Variants in OXR1 observed in about 807,000 individuals in gnomAD.
The protein encoded by OXR1 is oxidation resistance protein 1.
A neutral mutation model predicts 104.6 loss-of-function variants in OXR1; 41 were observed. That is an observed-to-expected ratio of 0.39 (90% confidence interval 0.31 to 0.51). OXR1 has a LOEUF of 0.51. Ranked by LOEUF, OXR1 falls within the 20% of genes least tolerant of loss-of-function variation. The pLI is 0.77. For synonymous variants in OXR1, 348 were observed against 348.4 expected, an observed-to-expected ratio of 1.00 and a Z score of 0.01; for missense variants, 955 against 1,031.9, an observed-to-expected ratio of 0.93 and a Z score of 1.02.
At chr8:106,342,252 CT>C (rs559836356) in intron 1 of OXR1, among the ~76,000 whole-genome samples, 7,467 of 140,952 alleles carry the variant, frequency 0.053, 246 homozygotes, top group South Asian at 0.12. Flanking sequence ...TTTCTTTTTT[CT>C]TTTTTTTTTT....
chr8:106,536,078 G>T (rs1410868778), intron 3 of OXR1, among the ~76,000 whole-genome samples: 1 of 151,896 alleles, frequency 6.6e-6, no homozygotes, highest in Non-Finnish European at 1.5e-5. Context: ...AAATTAGCCG[G>T]GCGTGGTGGC....
intron 2 of OXR1, among the ~76,000 whole-genome samples, chr8:106,385,309 G>C (rs543775658): frequency 6.6e-6 from 1 of 152,294 alleles, no homozygotes; most frequent in African/African-American, 2.4e-5. Context: ...GCAAAAGAAA[G>C]CTGGAGGGAA....
intron 1 of OXR1, among the ~76,000 whole-genome samples, chr8:106,286,590 T>G (rs1812511935): frequency 6.6e-6 from 1 of 152,218 alleles, no homozygotes; most frequent in African/African-American, 2.4e-5. Flanking sequence ...TAGCACTGGA[T>G]GTTTTAACAA....
chr8:106,704,914 A>G (rs1040906659), intron 8 of OXR1, among the ~76,000 whole-genome samples: 1 of 152,208 alleles, frequency 6.6e-6, no homozygotes, highest in Non-Finnish European at 1.5e-5. Flanking sequence ...TAAAAACAAT[A>G]TTTGGCACAA....
intron 3 of OXR1, among the ~76,000 whole-genome samples, chr8:106,521,817 G>A (rs1229009458): frequency 6.6e-6 from 1 of 152,106 alleles, no homozygotes; most frequent in African/African-American, 2.4e-5. Context: ...CGGCCAGCTG[G>A]AAGAGATTTT....
At chr8:106,398,232 T>G (rs1475061755) in intron 2 of OXR1, among the ~76,000 whole-genome samples, 1 of 152,178 alleles carries the variant, frequency 6.6e-6, no homozygotes, top group African/African-American at 2.4e-5. Context: ...GTAATTGCAT[T>G]TCCGTGGTCT....
At chr8:106,634,627 G>T (rs1015915523) in intron 3 of OXR1, among the ~76,000 whole-genome samples, 1 of 152,126 alleles carries the variant, frequency 6.6e-6, no homozygotes, top group Non-Finnish European at 1.5e-5. Flanking sequence ...TACAGATCAA[G>T]TAGTTAACTG....
intron 2 of OXR1, among the ~76,000 whole-genome samples, chr8:106,396,106 A>C (rs200912096): frequency 7.9e-5 from 12 of 151,860 alleles, no homozygotes; most frequent in Middle Eastern, 3.4e-3. Flanking sequence ...TACATACATA[A>C]ATACATAAAT....
chr8:106,343,602 T>C (rs540519703), intron 1 of OXR1, among the ~76,000 whole-genome samples: 1 of 152,322 alleles, frequency 6.6e-6, no homozygotes, highest in Admixed American at 6.5e-5. Context: ...TCATTGCAAC[T>C]GGGCCATGTG....
chr8:106,672,715 G>A (rs1031857856), intron 3 of OXR1, among the ~76,000 whole-genome samples: 2 of 152,094 alleles, frequency 1.3e-5, no homozygotes, highest in Non-Finnish European at 2.9e-5. Flanking sequence ...GAAACCAGGT[G>A]GAGGGAATTG....
At chr8:106,421,825 C>A (rs6983162) in intron 2 of OXR1, among the ~76,000 whole-genome samples, 8,450 of 80,872 alleles carry the variant, frequency 0.1, 845 homozygotes, top group African/African-American at 0.33. Flanking sequence ...GTCATTAATG[C>A]CATCAATCTA....
At chr8:106,316,349 A>G (rs554028158) in intron 1 of OXR1, among the ~76,000 whole-genome samples, 1 of 152,332 alleles carries the variant, frequency 6.6e-6, no homozygotes, top group Admixed American at 6.5e-5. Flanking sequence ...AAGAATGATG[A>G]CATACATTGT....
chr8:106,614,976 T>TG (rs1563643849), intron 3 of OXR1, among the ~76,000 whole-genome samples: 1 of 152,200 alleles, frequency 6.6e-6, no homozygotes, highest in Non-Finnish European at 1.5e-5. Context: ...ATGTTTTGTT[T>TG]GGGGTGCTGC....
chr8:106,565,548 C>T (rs1251495477), intron 3 of OXR1, among the ~76,000 whole-genome samples: 1 of 152,132 alleles, frequency 6.6e-6, no homozygotes, highest in Non-Finnish European at 1.5e-5. Context: ...AATGGCCATA[C>T]TCCCCAAAGT....
chr8:106,622,447 C>A (rs970805274), intron 3 of OXR1, among the ~76,000 whole-genome samples: 8 of 134,106 alleles, frequency 6.0e-5, no homozygotes, highest in African/African-American at 8.9e-5. Context: ...TAACTGATCA[C>A]CCCCAGCACA....
intron 2 of OXR1, among the ~76,000 whole-genome samples, chr8:106,489,229 TGTTG>T (rs1810914761): frequency 3.3e-5 from 5 of 151,580 alleles, no homozygotes; most frequent in Non-Finnish European, 7.4e-5. Context: ...TCTGTTTGTC[TGTTG>T]TTGGTGTATA....
In OXR1 at chr8:106,598,643, T is replaced by C. The variant is rs375399145; in HGVS notation, c.220+79504T>C. 3.9e-5 allele frequency among the ~76,000 whole-genome samples: 6 copies of C among 152,350 alleles called. No homozygotes were observed. The East Asian group carries it at 5.8e-4, about 15-fold the overall frequency. On this transcript the variant is annotated intron_variant, in intron 3 of 16. Coordinates refer to ENST00000517566, the MANE Select transcript of OXR1 (RefSeq NM_001198533.2). The stretch of plus-strand genomic sequence containing the variant: ...TAAGCTGTATAGTAATTCTAACTAA[T>C]GCCTTTTAATATTTTTGGAAAGTTT...
intron 1 of OXR1, among the ~76,000 whole-genome samples, chr8:106,327,882 G>T (rs971381669): frequency 8.5e-5 from 13 of 152,160 alleles, no homozygotes; most frequent in East Asian, 1.9e-4. Context: ...TCAAAGAAAA[G>T]AACATAATTT....
At chr8:106,555,500 T>G (rs1216794583) in intron 3 of OXR1, among the ~76,000 whole-genome samples, 4 of 152,136 alleles carry the variant, frequency 2.6e-5, no homozygotes, top group African/African-American at 9.6e-5. Context: ...AAGGCCCTAC[T>G]AAGAGATCTT....
Sources: gnomAD v4.1 joint callset for allele counts (sites outside exome capture counted in the v4.1 genomes callset) on GRCh38, gnomAD v4.1.1 for gene constraint, MANE v1.5 for transcripts, NCBI Gene and HGNC (gene_info 2026-07-23, HGNC 2026-07-21) for gene names.